The following AK9 variants were observed in gnomAD, a reference collection of about 807,000 sequenced individuals.
AK9 encodes adenylate kinase domain containing 1.
In AK9, 191 loss-of-function variants were observed where a neutral mutation model predicts 239.6. The observed-to-expected ratio is 0.80, with a 90% CI of 0.71 to 0.90. The LOEUF is 0.90. AK9 is among the 40% of genes least tolerant of loss of function. The probability of loss-of-function intolerance (pLI) is 0.00; values close to 1 mark genes in which losing one functional copy is unlikely to be tolerated. For missense variants in AK9, 1,995 were observed against 2,214.7 expected, an observed-to-expected ratio of 0.90 and a Z score of 1.99; for synonymous variants, 689 against 721.0, an observed-to-expected ratio of 0.96 and a Z score of 0.71.
At chr6:109,596,700 C>T (rs920760399) in intron 17 of AK9, among the ~76,000 whole-genome samples, 2 of 152,176 alleles carry the variant, frequency 1.3e-5, no homozygotes, top group South Asian at 2.1e-4. Flanking sequence ...GGCTTCTAAA[C>T]AAAGTGACTG....
intron 17 of AK9, among the ~76,000 whole-genome samples, chr6:109,607,768 GGTGTGTGT>G (rs10648225): frequency 4.8e-5 from 7 of 145,484 alleles, no homozygotes; most frequent in Admixed American, 2.7e-4. Context: ...CCAGCAGAGG[GGTGTGTGT>G]GTGTGTGTGT....
At chr6:109,554,392 C>T (rs1408314607) in intron 24 of AK9, among the ~76,000 whole-genome samples, 3 of 152,138 alleles carry the variant, frequency 2.0e-5, no homozygotes, top group Non-Finnish European at 2.9e-5. Context: ...TTGGTCTACT[C>T]AGGGATTCAA....
intron 1 of AK9, among the ~76,000 whole-genome samples, chr6:109,683,357 C>T (rs2128357144): frequency 6.6e-6 from 1 of 152,198 alleles, no homozygotes; most frequent in East Asian, 1.9e-4. Context: ...GATGCCCACT[C>T]TCACCACTCC....
intron 12 of AK9, 23 bp downstream of exon 12, chr6:109,632,900 T>TAGATAGAC (rs1554276596): frequency 2.9e-5 from 47 of 1,601,270 alleles, no homozygotes; most frequent in African/African-American, 2.0e-4. Flanking sequence ...GATAGATAGA[T>TAGATAGAC]AGACAGATAG....
rs1229321601 is a variant in AK9 at position 109,592,442 on chromosome 6, A to AT, written c.1843-6371dup. On this transcript the variant is annotated intron_variant, in intron 17 of 40. Transcript: ENST00000424296. ...AGAAGTCTGTTGTTAGTCTAATGGGATTTCTTTTTTTTTTTTTTTTTTGAG... is the reference window on the plus strand; with the variant it reads ...AGAAGTCTGTTGTTAGTCTAATGGGATTTTCTTTTTTTTTTTTTTTTTTGAG... 7.7e-5 allele frequency among the ~76,000 whole-genome samples: 8 copies of AT among 103,726 alleles called. No homozygotes were observed. The South Asian group carries it at 2.5e-3, about 33-fold the overall frequency. The allele number at this position is 103,726 out of a possible 152,430, so 68.0% of individuals were successfully genotyped here. A position where few individuals can be genotyped will look rare whatever the true frequency, so the allele number is the denominator to read the frequency against.
intron 2 of AK9, 37 bp downstream of exon 2, chr6:109,675,592 T>A (rs1562597983): frequency 8.0e-7 from 1 of 1,255,450 alleles, no homozygotes; most frequent in Non-Finnish European, 1.1e-6. Flanking sequence ...ATTTTAAAAA[T>A]AAAAAAAATT....
intron 21 of AK9, among the ~76,000 whole-genome samples, chr6:109,568,422 T>G (rs921995566): frequency 6.6e-6 from 1 of 152,160 alleles, no homozygotes; most frequent in African/African-American, 2.4e-5. Flanking sequence ...TTGGAAGTTC[T>G]GGCCAGGGAA....
At position 109,674,188 on chromosome 6, in the gene AK9, T is replaced by A. The variant is rs892358774; in HGVS notation, c.181+10A>T. The A allele has an allele frequency of 2.2e-5, 35 of 1,564,494 alleles. No individual in the cohort carries two copies. The Admixed American group carries it at 7.0e-4, about 31-fold the overall frequency. The stretch of plus-strand genomic sequence containing the variant: ...ATAATAAAATATTAGAGAAAAAAGA[T>A]AAAATTTACCTTCAACACGAATACA... On this transcript the variant is annotated intron_variant, in intron 3 of 40. Coordinates refer to ENST00000424296, the MANE Select transcript of AK9 (RefSeq NM_001145128.3).
chr6:109,666,251 G>C (rs2128325145), intron 5 of AK9, among the ~76,000 whole-genome samples: 1 of 152,302 alleles, frequency 6.6e-6, no homozygotes, highest in South Asian at 2.1e-4. Flanking sequence ...CAGATGTAAA[G>C]TGGAATAGAT....
chr6:109,619,414 T>G (rs1281306509), intron 12 of AK9, among the ~76,000 whole-genome samples, 178 bp from the exon 13 acceptor site: 1 of 152,128 alleles, frequency 6.6e-6, no homozygotes, highest in East Asian at 1.9e-4. Flanking sequence ...GTACTTGCTT[T>G]AATAGAAATT....
chr6:109,601,314 C>T (rs2128228824), intron 17 of AK9, among the ~76,000 whole-genome samples: 1 of 152,268 alleles, frequency 6.6e-6, no homozygotes, highest in Non-Finnish European at 1.5e-5. Flanking sequence ...ATCTTTATTT[C>T]TGCTTTCATT....
At chr6:109,625,243 G>A (rs1795378146) in intron 12 of AK9, among the ~76,000 whole-genome samples, 1 of 152,108 alleles carries the variant, frequency 6.6e-6, no homozygotes, top group Admixed American at 6.6e-5. Context: ...ATGTCTTTGT[G>A]TTAACTCATT....
chr6:109,564,920 A>C (rs1018293827), intron 21 of AK9, 75 bp from the exon 22 acceptor site: 1 of 1,150,064 alleles, frequency 8.7e-7, no homozygotes, highest in Non-Finnish European at 1.2e-6. Flanking sequence ...GGCACAAAGA[A>C]CATTTCAAAA....
At chr6:109,547,892 G>GA (rs1783799009) in intron 25 of AK9, among the ~76,000 whole-genome samples, 1 of 146,864 alleles carries the variant, frequency 6.8e-6, no homozygotes, top group East Asian at 2.0e-4. Flanking sequence ...TAACAATGGG[G>GA]AAAAAAGACC....
intron 33 of AK9, among the ~76,000 whole-genome samples, chr6:109,507,519 T>C (rs1162856737): frequency 6.6e-6 from 1 of 151,992 alleles, no homozygotes; most frequent in African/African-American, 2.4e-5. Flanking sequence ...AAATTTAAAC[T>C]AGTTCAATAG....
rs760909547 is a variant in AK9 at position 109,495,362 on chromosome 6, AAG to A, written c.5392_5393del (p.Leu1798SerfsTer16). 6.2e-7 allele frequency: 1 copy of A among 1,613,608 alleles called. No individual in the cohort carries two copies. Among genetic ancestry groups the A allele is most frequent in the Non-Finnish European group, 8.5e-7 (1 of 1,179,774 alleles). On this transcript the variant is annotated frameshift_variant, in exon 39 of 41. Transcript: ENST00000424296. LOFTEE classifies it high-confidence loss of function. ...CCTGTTCCAGATATCCAGGCAAAGG[AAG>A]ACTAGTAAGAAGTATCGGTTCCCTT... is the stretch of plus-strand genomic sequence containing the variant. ...PLREPILLTS[L>X]PLPGYLEQGI...
At position 109,673,098 on chromosome 6, in the gene AK9, G is replaced by A. The variant is rs569205910; in HGVS notation, c.182-931C>T. On this transcript the variant is annotated intron_variant, in intron 3 of 40. Transcript: ENST00000424296. ...GGGGCATGACCCAGGGGAGGACCCA[G>A]GAGAGTTGTTATATCATTAGTTATT... 2.2e-4 allele frequency among the ~76,000 whole-genome samples: 34 copies of A among 152,282 alleles called. 1 individual carries two copies. In the East Asian group the frequency reaches 6.4e-3, roughly 29 times the overall value.
intron 8 of AK9, among the ~76,000 whole-genome samples, chr6:109,653,691 TCTTTC>T (rs1799304288): frequency 6.6e-6 from 1 of 150,870 alleles, no homozygotes; most frequent in African/African-American, 2.4e-5. Context: ...TTTTTCTCTC[TCTTTC>T]TTTTTTGTAG....
chr6:109,513,935 G>A (rs2884063), intron 32 of AK9, among the ~76,000 whole-genome samples: 38,274 of 152,058 alleles, frequency 0.25, 4,873 homozygotes, highest in East Asian at 0.42. Flanking sequence ...ATCAGCAGGA[G>A]AAGTCAGTTT....
Sources: allele counts gnomAD v4.1 joint callset (sites outside exome capture counted in the v4.1 genomes callset), GRCh38; gene constraint gnomAD v4.1.1; transcripts MANE v1.5; gene names NCBI Gene and HGNC (gene_info 2026-07-23, HGNC 2026-07-21).